SNX29: variants seen among roughly 807,000 people sequenced by gnomAD.
The protein encoded by SNX29 is sorting nexin-29.
Under a neutral mutation model 102.1 loss-of-function variants are expected in SNX29, and 78 were observed. That is an observed-to-expected ratio of 0.76 (90% CI 0.64 to 0.92). SNX29 has a LOEUF of 0.92. SNX29 is among the 40% of genes least tolerant of loss of function. The probability of loss-of-function intolerance (pLI) is 0.00; values close to 1 mark genes in which losing one functional copy is unlikely to be tolerated. For missense variants in SNX29, 1,280 were observed against 1,061.7 expected, an observed-to-expected ratio of 1.21 and a Z score of -2.86; for synonymous variants, 580 against 414.5, an observed-to-expected ratio of 1.40 and a Z score of -4.85.
chr16:12,321,080 C>T (rs777552800), intron 15 of SNX29, among the ~76,000 whole-genome samples: 26 of 152,098 alleles, frequency 1.7e-4, no homozygotes, highest in Non-Finnish European at 2.2e-4. Flanking sequence ...ACCACCATCC[C>T]GGTTCCCTCC....
chr16:12,302,673 G>C (rs1555507292), intron 15 of SNX29, among the ~76,000 whole-genome samples: 1 of 152,216 alleles, frequency 6.6e-6, no homozygotes, highest in Non-Finnish European at 1.5e-5. Flanking sequence ...TACCTTGGGG[G>C]TTAGAATTTC....
chr16:12,565,573 A>T (rs375357749), intron 20 of SNX29, among the ~76,000 whole-genome samples: 1 of 152,036 alleles, frequency 6.6e-6, no homozygotes, highest in African/African-American at 2.4e-5. Flanking sequence ...GCCTACTGTC[A>T]CACCCTCAAC....
At chr16:12,454,648 C>G (rs538893373) in intron 18 of SNX29, among the ~76,000 whole-genome samples, 1 of 152,300 alleles carries the variant, frequency 6.6e-6, no homozygotes, top group African/African-American at 2.4e-5. Flanking sequence ...CAAGCCACGT[C>G]TGGGAATTTA....
intron 19 of SNX29, chr16:12,515,533 A>G (rs2089825583): frequency 2.0e-6 from 1 of 490,982 alleles, no homozygotes; most frequent in Middle Eastern, 3.0e-4. Flanking sequence ...TGCCTGGATG[A>G]CTGCAGCAGC....
Position 12,328,886 on chromosome 16 carries a change from C to T in SNX29, c.1783-27277C>T, listed in dbSNP as rs577684573. 7.9e-5 allele frequency among the ~76,000 whole-genome samples: 12 copies of T among 152,132 alleles called. No individual in the cohort carries two copies. The South Asian group carries it at 1.9e-3, about 24-fold the overall frequency. ...GTATGGCTGGATGTGGGAGCTGAAG[C>T]GATGTGATGTCGGGACACTGTCTCC... On this transcript the variant is annotated intron_variant, in intron 15 of 20. Transcript: ENST00000566228.
At chr16:12,103,243 C>G (rs567969358) in intron 11 of SNX29, among the ~76,000 whole-genome samples, 2 of 152,266 alleles carry the variant, frequency 1.3e-5, no homozygotes, top group East Asian at 3.9e-4. Context: ...GCCCATATAG[C>G]CAAGCTAATC....
intron 19 of SNX29, among the ~76,000 whole-genome samples, chr16:12,516,481 GAAAAAAAAA>G (rs5815691): frequency 7.3e-5 from 8 of 109,544 alleles, no homozygotes; most frequent in Non-Finnish European, 1.2e-4. Flanking sequence ...TCCCGTCTCA[GAAAAAAAAA>G]AAAAAAAAAA....
rs760267799 is a variant in SNX29, at chr16:12,570,114, TTGTTCA to T, written c.*1488_*1493del. 2.9e-6 allele frequency: 3 copies of T among 1,019,978 alleles called. No individual in the cohort carries two copies. Among genetic ancestry groups the T allele is most frequent in the South Asian group, 9.5e-5 (2 of 21,104 alleles). 63.2% of individuals were successfully genotyped at this position (1,019,978 alleles called of 1,614,324 possible). On this transcript the variant is annotated 3_prime_UTR_variant, in exon 21 of 21. Transcript: ENST00000566228. ...CTTCCCCTCGTAGCAAAAAGGAAGA[TTGTTCA>T]TGGCCTTTAAGGAAGGCTGAGATCA...
At position 12,109,127 on chromosome 16, in the gene SNX29, C is replaced by CAA. The variant is rs71139575; in HGVS notation, c.1403-17479_1403-17478dup. 2.7e-3 allele frequency among the ~76,000 whole-genome samples: 89 copies of CAA among 33,248 alleles called. 3 individuals carry two copies. Among genetic ancestry groups the CAA allele is most frequent in the African/African-American group, 3.6e-3 (26 of 7,190 alleles). The allele number at this position is 33,248 out of a possible 152,430, so 21.8% of individuals were successfully genotyped here. A position where few individuals can be genotyped will look rare whatever the true frequency, so the allele number is the denominator to read the frequency against. ...TGGGCAATAGAGTGAGGCGCTGTCTCAAAAAAAAAAAAAAAAAAAAAAAAA... is the reference window on the plus strand; with the variant it reads ...TGGGCAATAGAGTGAGGCGCTGTCTCAAAAAAAAAAAAAAAAAAAAAAAAAAA... On this transcript the variant is annotated intron_variant, in intron 11 of 20. Coordinates refer to ENST00000566228, the MANE Select transcript of SNX29 (RefSeq NM_032167.5).
At chr16:12,438,962 G>C (rs1319529832) in intron 18 of SNX29, among the ~76,000 whole-genome samples, 1 of 152,222 alleles carries the variant, frequency 6.6e-6, no homozygotes, top group Non-Finnish European at 1.5e-5. Flanking sequence ...AGGGTAGAGA[G>C]GAAGGCACCG....
At chr16:12,546,256 C>T (rs578255215) in intron 20 of SNX29, 28 of 152,322 alleles carry the variant, frequency 1.8e-4, no homozygotes, top group Non-Finnish European at 2.9e-4. Context: ...TTCGACCCTT[C>T]GTACAACTGT....
At chr16:12,216,537 T>G (rs2077328773) in intron 14 of SNX29, among the ~76,000 whole-genome samples, 1 of 152,180 alleles carries the variant, frequency 6.6e-6, no homozygotes, top group Non-Finnish European at 1.5e-5. Flanking sequence ...TGACCACTGG[T>G]CTTGTCTGCT....
At chr16:12,548,469 C>G (rs1349635242) in intron 20 of SNX29, among the ~76,000 whole-genome samples, 16 of 152,334 alleles carry the variant, frequency 1.1e-4, no homozygotes, top group Non-Finnish European at 4.4e-5. Flanking sequence ...TTGGACAGCA[C>G]CGGGCTTTCA....
At chr16:12,522,261 GT>G (rs2090129696) in intron 19 of SNX29, among the ~76,000 whole-genome samples, 1 of 152,154 alleles carries the variant, frequency 6.6e-6, no homozygotes, top group Non-Finnish European at 1.5e-5. Context: ...ATTGTTCATT[GT>G]TTATTTGAAG....
intron 14 of SNX29, among the ~76,000 whole-genome samples, chr16:12,231,590 T>C (rs1424676531): frequency 1.3e-5 from 2 of 152,228 alleles, no homozygotes; most frequent in South Asian, 2.1e-4. Flanking sequence ...TGTAAAATGC[T>C]GCAGGGAATG....
chr16:12,292,749 A>C (rs908449406), intron 15 of SNX29, among the ~76,000 whole-genome samples: 11 of 152,332 alleles, frequency 7.2e-5, no homozygotes, highest in African/African-American at 2.4e-4. Flanking sequence ...TGCTTCTAAT[A>C]GTGTGATATT....
intron 2 of SNX29, among the ~76,000 whole-genome samples, chr16:12,002,080 T>C (rs1467142112): frequency 6.6e-6 from 1 of 151,800 alleles, no homozygotes; most frequent in East Asian, 1.9e-4. Flanking sequence ...ACATTGTGAA[T>C]TGAAATTTAC....
At chr16:12,394,711 A>G (rs1210681953) in intron 16 of SNX29, among the ~76,000 whole-genome samples, 1 of 152,182 alleles carries the variant, frequency 6.6e-6, no homozygotes, top group African/African-American at 2.4e-5. Context: ...CACCTGGAGA[A>G]AGCCCGAGCA....
intron 1 of SNX29, among the ~76,000 whole-genome samples, chr16:11,990,158 T>G (rs2055792926): frequency 6.6e-6 from 1 of 152,186 alleles, no homozygotes; most frequent in South Asian, 2.1e-4. Flanking sequence ...GGCGGATTGG[T>G]GGCGGGCCTG....
Sources: gnomAD v4.1 joint callset for allele counts (sites outside exome capture counted in the v4.1 genomes callset) on GRCh38, gnomAD v4.1.1 for gene constraint, MANE v1.5 for transcripts, NCBI Gene and HGNC (gene_info 2026-07-23, HGNC 2026-07-21) for gene names.